TGFBR2: variants seen among roughly 807,000 people sequenced by gnomAD.
TGFBR2 encodes TGF-beta receptor type-2.
TGFBR2 carries 18 observed loss-of-function variants against 49.0 expected under a neutral mutation model. That is an observed-to-expected ratio of 0.37 (90% CI 0.25 to 0.54). TGFBR2 has a LOEUF of 0.54. Ranked by LOEUF, TGFBR2 falls within the 20% of genes least tolerant of loss-of-function variation. The pLI, the probability that TGFBR2 is intolerant of heterozygous loss-of-function variation, is 0.85. For missense variants in TGFBR2, 525 were observed against 722.6 expected, an observed-to-expected ratio of 0.73 and a Z score of 3.13; for synonymous variants, 282 against 275.9, an observed-to-expected ratio of 1.02 and a Z score of -0.22.
intron 1 of TGFBR2, among the ~76,000 whole-genome samples, chr3:30,624,284 C>T (rs533838243): frequency 2.0e-5 from 3 of 152,226 alleles, no homozygotes; most frequent in South Asian, 2.1e-4. Flanking sequence ...AGCAACAGAG[C>T]CTACCTCTAT....
intron 1 of TGFBR2, among the ~76,000 whole-genome samples, chr3:30,621,995 T>C (rs1293388078): frequency 6.6e-6 from 1 of 152,236 alleles, no homozygotes. Flanking sequence ...GATGTCTGTG[T>C]AAGCCATTTT....
chr3:30,672,524 A>G lies in TGFBR2; in HGVS notation c.1254+87A>G, dbSNP rs556764222. 43 of 1,406,268 alleles carry G rather than the reference A, an allele frequency of 3.1e-5. No homozygotes were observed. The African/African-American group carries it at 5.1e-4, about 17-fold the overall frequency. The allele number at this position is 1,406,268 out of a possible 1,614,324, so 87.1% of individuals were successfully genotyped here. ...TCCATATCTCCTGGCTCTTATCTCA[A>G]ACAGCCCTGTACTCTGGACACTGGT... On this transcript the variant is annotated intron_variant, in intron 4 of 6. Coordinates refer to ENST00000295754, the MANE Select transcript of TGFBR2 (RefSeq NM_003242.6). This position sits in a 1 kb window ranked among gnomAD's most constrained non-coding sequence, Gnocchi z 4.5.
rs1473367944 is a variant in TGFBR2 at position 30,650,299 on chromosome 3, A to G, written c.293A>G (p.Glu98Gly). The G allele has an allele frequency of 1.9e-6, 3 of 1,613,890 alleles. No individual in the cohort carries two copies. The highest frequency in any genetic ancestry group is 2.5e-6 in the Non-Finnish European group (3 of 1,179,906). The change falls in exon 3 of 7, where the codon GAG becomes GGG. Residue 98 changes from glutamate (E) to glycine (G), a missense_variant. Physicochemically the swap from Glu to Gly is moderately conservative, Grantham distance 98 (BLOSUM62 -2). Around this residue, in one of 3 missense-constraint regions of TGFBR2, gnomAD observed 376 missense variants for 478.2 expected, o/e 0.79. Transcript: ENST00000295754. The stretch of plus-strand genomic sequence containing the variant: ...AAGAATGACGAGAACATAACACTAG[A>G]GACAGTTTGCCATGACCCCAAGCTC... ...WRKNDENITL[E>G]TVCHDPKLPY...
chr3:30,648,457 CACA>C (rs1559458185), intron 2 of TGFBR2, among the ~76,000 whole-genome samples: 27 of 143,052 alleles, frequency 1.9e-4, no homozygotes, highest in African/African-American at 4.2e-4. Flanking sequence ...CACACACACA[CACA>C]CAAAACTGTG....
intron 2 of TGFBR2, among the ~76,000 whole-genome samples, chr3:30,646,791 CA>C (rs1698749660): frequency 6.6e-6 from 1 of 151,982 alleles, no homozygotes; most frequent in African/African-American, 2.4e-5. Context: ...CTTGCTTTTG[CA>C]ACCCAAAAAG....
intron 2 of TGFBR2, among the ~76,000 whole-genome samples, chr3:30,648,749 G>A (rs1258726854): frequency 6.6e-6 from 1 of 152,050 alleles, no homozygotes; most frequent in Non-Finnish European, 1.5e-5. Context: ...CCCTTCACAA[G>A]CAGACACATG....
At position 30,672,971 on chromosome 3, in the gene TGFBR2, T is replaced by A. The variant is rs11466514; in HGVS notation, c.1254+534T>A. Among the ~76,000 whole-genome samples the A allele has an allele frequency of 3.9e-3, 601 of 152,318 alleles. 9 individuals carry two copies. The highest frequency in any genetic ancestry group is 0.014 in the African/African-American group (565 of 41,570). ...GTGAGCACTTCCACTCTTGAAGCACTCTCACAGATTAAAATGGAAATGTTT... is the reference window on the plus strand; with the variant it reads ...GTGAGCACTTCCACTCTTGAAGCACACTCACAGATTAAAATGGAAATGTTT... On this transcript the variant is annotated intron_variant, in intron 4 of 6. Coordinates refer to ENST00000295754, the MANE Select transcript of TGFBR2 (RefSeq NM_003242.6). This position sits in a 1 kb window ranked among gnomAD's most constrained non-coding sequence, Gnocchi z 4.5.
chr3:30,643,524 G>T (rs533635577), intron 1 of TGFBR2, among the ~76,000 whole-genome samples: 6 of 152,270 alleles, frequency 3.9e-5, no homozygotes, highest in African/African-American at 1.4e-4. Flanking sequence ...ATATTTTATT[G>T]AATAAATGTG....
intron 2 of TGFBR2, 86 bp downstream of exon 2, chr3:30,645,001 G>A (rs1698705052): frequency 8.0e-7 from 1 of 1,255,444 alleles, no homozygotes; most frequent in Non-Finnish European, 1.2e-6. Context: ...GTGTATCTCT[G>A]TCTCCTAAAT....
chr3:30,653,844 C>G (rs906902387), intron 3 of TGFBR2, among the ~76,000 whole-genome samples: 2 of 152,150 alleles, frequency 1.3e-5, no homozygotes, highest in Non-Finnish European at 2.9e-5. Context: ...GAGCTCAGCC[C>G]TTTCCAAGCA....
chr3:30,623,546 A>T (rs547017890), intron 1 of TGFBR2, among the ~76,000 whole-genome samples: 1 of 152,314 alleles, frequency 6.6e-6, no homozygotes, highest in East Asian at 1.9e-4. Context: ...GTAATGAGTC[A>T]TTTTACTTTT....
At position 30,691,721 on chromosome 3, in the gene TGFBR2, C is replaced by T. The variant is rs1699714066; in HGVS notation, c.*122C>T. 2 of 1,087,010 alleles carry T rather than the reference C, an allele frequency of 1.8e-6. No homozygotes were observed. Among genetic ancestry groups the T allele is most frequent in the Non-Finnish European group, 2.8e-6 (2 of 716,036 alleles). The allele number at this position is 1,087,010 out of a possible 1,614,324, so 67.3% of individuals were successfully genotyped here. A position where few individuals can be genotyped will look rare whatever the true frequency, so the allele number is the denominator to read the frequency against. ...AAAACCAAGGGGGTCACTCCCCTCCCTGTAAGCTGTGGGGATAAGCAGAAA... is the reference window on the plus strand; with the variant it reads ...AAAACCAAGGGGGTCACTCCCCTCCTTGTAAGCTGTGGGGATAAGCAGAAA... On this transcript the variant is annotated 3_prime_UTR_variant, in exon 7 of 7. Coordinates refer to ENST00000295754, the MANE Select transcript of TGFBR2 (RefSeq NM_003242.6).
In TGFBR2 at chr3:30,694,118, C is replaced by T. The variant is rs1008741461; in HGVS notation, c.*2519C>T. 4 of 228,474 alleles carry T rather than the reference C, an allele frequency of 1.8e-5. No individual in the cohort carries two copies. The highest frequency in any genetic ancestry group is 6.7e-5 in the African/African-American group (3 of 45,062). The allele number at this position is 228,474 out of a possible 1,614,324, so 14.2% of individuals were successfully genotyped here. On this transcript the variant is annotated 3_prime_UTR_variant, in exon 7 of 7. Coordinates refer to ENST00000295754, the MANE Select transcript of TGFBR2 (RefSeq NM_003242.6). ...AAATACTCAGGTGAGCATCCTGCCT[C>T]CTGTTCCCATTCCTAGTAGCTAAAT...
At chr3:30,607,539 A>G (rs1697945455) in intron 1 of TGFBR2, among the ~76,000 whole-genome samples, 1 of 152,146 alleles carries the variant, frequency 6.6e-6, no homozygotes, top group African/African-American at 2.4e-5. Context: ...TTCCAAAAGA[A>G]AGTTAGCTGG....
intron 6 of TGFBR2, 92 bp downstream of exon 6, chr3:30,688,603 G>A (rs1699663437): frequency 3.9e-6 from 6 of 1,558,206 alleles, no homozygotes; most frequent in Non-Finnish European, 5.3e-6. Context: ...TTAAATCTGA[G>A]GGAAGGTCCC....
chr3:30,665,588 G>C (rs918919992), intron 3 of TGFBR2, among the ~76,000 whole-genome samples: 1 of 152,104 alleles, frequency 6.6e-6, no homozygotes, highest in Non-Finnish European at 1.5e-5. Context: ...CAGAAGCTCC[G>C]ACAGCATCCA....
rs771983813 is a variant in TGFBR2 at position 30,645,491 on chromosome 3, C to CTTTTTTTTTT, written c.263+579_263+588dup. On this transcript the variant is annotated intron_variant, in intron 2 of 6. Transcript: ENST00000295754. ...TCTCTCAGCTCAGAACTACATATTTCTTTTTTTTTTTTGAGATGGAGTCTT... is the reference window on the plus strand; with the variant it reads ...TCTCTCAGCTCAGAACTACATATTTCTTTTTTTTTTTTTTTTTTTTTTGAGATGGAGTCTT... 5.2e-3 allele frequency among the ~76,000 whole-genome samples: 713 copies of CTTTTTTTTTT among 136,270 alleles called. 15 individuals carry two copies. Among genetic ancestry groups the CTTTTTTTTTT allele is most frequent in the African/African-American group, 0.018 (665 of 36,736 alleles). The allele number at this position is 136,270 out of a possible 152,430, so 89.4% of individuals were successfully genotyped here.
At chr3:30,638,084 T>A (rs761503690) in intron 1 of TGFBR2, among the ~76,000 whole-genome samples, 7 of 152,240 alleles carry the variant, frequency 4.6e-5, no homozygotes, top group Non-Finnish European at 1.0e-4. Flanking sequence ...GCAATGAGGT[T>A]GACATGCTTC....
At chr3:30,652,297 C>T (rs954480327) in intron 3 of TGFBR2, among the ~76,000 whole-genome samples, 1 of 137,236 alleles carries the variant, frequency 7.3e-6, no homozygotes, top group African/African-American at 2.7e-5. Flanking sequence ...TGCAATGGCA[C>T]GATCTTGGCT....
Sources: gnomAD v4.1 joint callset for allele counts (sites outside exome capture counted in the v4.1 genomes callset) on GRCh38, gnomAD v4.1.1 for gene constraint, gnomAD v4.1.1 regional missense constraint, Gnocchi (gnomAD v3.1) non-coding constraint, MANE v1.5 for transcripts, NCBI Gene and HGNC (gene_info 2026-07-23, HGNC 2026-07-21) for gene names.